The following SPMAP2L variants were observed in gnomAD, a reference collection of about 807,000 sequenced individuals.
SPMAP2L encodes the protein sperm microtubule associated protein 2 like.
the SPMAP2L span, among the ~76,000 whole-genome samples, chr4:56,616,388 G>C: frequency 3.6e-3 from 551 of 152,264 alleles, 4 homozygotes; most frequent in African/African-American, 0.012. Flanking sequence ...CACGTTCTGA[G>C]GTACTGGGGG....
chr4:56,597,876 T>A, the SPMAP2L span, among the ~76,000 whole-genome samples: 1 of 152,168 alleles, frequency 6.6e-6, no homozygotes, highest in Non-Finnish European at 1.5e-5. Context: ...GTGGTGTTTT[T>A]TTTTTAGACA....
chr4:56,624,950 G>T, the SPMAP2L span, among the ~76,000 whole-genome samples: 55 of 152,248 alleles, frequency 3.6e-4, no homozygotes, highest in African/African-American at 1.3e-3. Context: ...CAGAATGGTA[G>T]ATCCACCAAC....
At chr4:56,593,891 C>A in the SPMAP2L span, 2 of 1,609,932 alleles carry the variant, frequency 1.2e-6, no homozygotes, top group Non-Finnish European at 1.7e-6. Flanking sequence ...TAGGAGAGTA[C>A]ATAATGCCAC....
chr4:56,577,628 T>C, the SPMAP2L span, among the ~76,000 whole-genome samples: 3 of 152,152 alleles, frequency 2.0e-5, no homozygotes, highest in Admixed American at 6.5e-5. Flanking sequence ...AGGAAAAAGA[T>C]TGTAAGCTAA....
chr4:56,589,736 GTGT>G, the SPMAP2L span, among the ~76,000 whole-genome samples: 971 of 147,900 alleles, frequency 6.6e-3, 13 homozygotes, highest in African/African-American at 0.024. Flanking sequence ...TTGTTTTTGT[GTGT>G]GGGGGGGTTT....
the SPMAP2L span, among the ~76,000 whole-genome samples, chr4:56,544,818 T>C: frequency 2.0e-5 from 3 of 152,174 alleles, no homozygotes; most frequent in African/African-American, 7.2e-5. Context: ...GACCCGCTTG[T>C]GGACCTGCAC....
At chr4:56,619,238 T>A in the SPMAP2L span, among the ~76,000 whole-genome samples, 1 of 152,240 alleles carries the variant, frequency 6.6e-6, no homozygotes, top group Non-Finnish European at 1.5e-5. Flanking sequence ...CCTACTCACC[T>A]ATTTTCAGAC....
chr4:56,601,494 C>T, the SPMAP2L span, among the ~76,000 whole-genome samples: 4 of 152,114 alleles, frequency 2.6e-5, no homozygotes, highest in African/African-American at 9.7e-5. Flanking sequence ...CACGGTGGCT[C>T]ATACTAGTAA....
the SPMAP2L span, among the ~76,000 whole-genome samples, chr4:56,567,379 G>A: frequency 6.8e-6 from 1 of 147,862 alleles, no homozygotes; most frequent in African/African-American, 2.5e-5. Flanking sequence ...TGATTCTCCT[G>A]CCTCAGCCTC....
At chr4:56,583,882 G>T in the SPMAP2L span, among the ~76,000 whole-genome samples, 5 of 152,026 alleles carry the variant, frequency 3.3e-5, no homozygotes, top group Non-Finnish European at 5.9e-5. Context: ...AGAGTGCATT[G>T]TATAGGATAA....
chr4:56,564,123 A>G, the SPMAP2L span, among the ~76,000 whole-genome samples: 1 of 133,410 alleles, frequency 7.5e-6, no homozygotes, highest in South Asian at 2.6e-4. Flanking sequence ...TTGAAGCCAC[A>G]ATCTGTGGAA....
chr4:56,575,282 A>G, the SPMAP2L span, among the ~76,000 whole-genome samples: 1 of 152,066 alleles, frequency 6.6e-6, no homozygotes, highest in Non-Finnish European at 1.5e-5. Context: ...GATGTCATTT[A>G]TTTGAGAAAA....
chr4:56,569,885 A>G, the SPMAP2L span, among the ~76,000 whole-genome samples: 4 of 152,212 alleles, frequency 2.6e-5, no homozygotes, highest in Admixed American at 2.6e-4. Context: ...GTCTCTTCTA[A>G]GTGTTTTAAT....
At chr4:56,616,848 A>G in the SPMAP2L span, among the ~76,000 whole-genome samples, 2 of 152,144 alleles carry the variant, frequency 1.3e-5, no homozygotes, top group South Asian at 2.1e-4. Context: ...TCCTGTGTTC[A>G]TGTTCCTTTG....
the SPMAP2L span, among the ~76,000 whole-genome samples, chr4:56,621,299 A>G: frequency 6.8e-6 from 1 of 147,604 alleles, no homozygotes; most frequent in East Asian, 1.9e-4. Flanking sequence ...TTCATCTCTC[A>G]TACTCTTTAT....
At chr4:56,567,442 GTTT>G in the SPMAP2L span, among the ~76,000 whole-genome samples, 4 of 65,580 alleles carry the variant, frequency 6.1e-5, no homozygotes, top group African/African-American at 1.8e-4. Flanking sequence ...AATTTTGGTG[GTTT>G]TTTTTTTTTT....
the SPMAP2L span, chr4:56,594,613 G>A: frequency 6.7e-7 from 1 of 1,485,234 alleles, no homozygotes; most frequent in Non-Finnish European, 9.4e-7. Flanking sequence ...CAACACATGG[G>A]ACCAACCCAA....
the SPMAP2L span, chr4:56,548,918 G>T: frequency 1.3e-6 from 1 of 798,772 alleles, no homozygotes; most frequent in Non-Finnish European, 1.7e-6. Context: ...TCTACCTTGG[G>T]GTTTTCAAAA....
At chr4:56,531,845 G>A in the SPMAP2L span, among the ~76,000 whole-genome samples, 1 of 152,102 alleles carries the variant, frequency 6.6e-6, no homozygotes, top group Non-Finnish European at 1.5e-5. Context: ...CCAATCTTTT[G>A]GGAAACCAAT....
Sources: gnomAD v4.1 joint callset for allele counts (sites outside exome capture counted in the v4.1 genomes callset) on GRCh38, gnomAD v4.1.1 for gene constraint, MANE v1.5 for transcripts, NCBI Gene and HGNC (gene_info 2026-07-23, HGNC 2026-07-21) for gene names.